ITSN1: variants seen among roughly 807,000 people sequenced by gnomAD.
ITSN1 encodes intersectin 1.
In ITSN1, 58 loss-of-function variants were observed where a neutral mutation model predicts 239.8. The ratio of observed to expected loss-of-function variants is 0.24; its 90% CI spans 0.20 to 0.30. The LOEUF is 0.30. ITSN1 is among the 10% of genes least tolerant of loss of function. The pLI is 1.00. For missense variants in ITSN1, 1,558 were observed against 2,103.3 expected, an observed-to-expected ratio of 0.74 and a Z score of 5.07; for synonymous variants, 780 against 770.8, an observed-to-expected ratio of 1.01 and a Z score of -0.20.
chr21:33,801,568 TC>T (rs1442193778), intron 19 of ITSN1, among the ~76,000 whole-genome samples: 2 of 152,142 alleles, frequency 1.3e-5, no homozygotes, highest in Non-Finnish European at 2.9e-5. Context: ...GCTCAAGTGA[TC>T]CTCCTGCCTC....
rs537084888 is a variant in ITSN1, at chr21:33,783,931, T to C, written c.1824+1798T>C. On this transcript the variant is annotated intron_variant, in intron 16 of 39. Transcript: ENST00000381318. ...CTAGAAGATTAAATAATTTTGGTGA[T>C]TGAATTTCTGTTGCCATTACTAAAG... Among the ~76,000 whole-genome samples, 7 of 152,282 alleles carry C rather than the reference T, an allele frequency of 4.6e-5. No individual in the cohort carries two copies. In the East Asian group the frequency reaches 1.4e-3, roughly 29 times the overall value.
intron 33 of ITSN1, among the ~76,000 whole-genome samples, chr21:33,874,375 C>A (rs955739946): frequency 6.6e-6 from 1 of 152,118 alleles, no homozygotes; most frequent in African/African-American, 2.4e-5. Context: ...GCCACCCTTG[C>A]TGCAGCCACC....
At chr21:33,858,211 G>C (rs1234963911) in intron 30 of ITSN1, among the ~76,000 whole-genome samples, 1 of 152,198 alleles carries the variant, frequency 6.6e-6, no homozygotes, top group Non-Finnish European at 1.5e-5. Flanking sequence ...GTCAGTCACC[G>C]AGGTGGCCAC....
intron 1 of ITSN1, among the ~76,000 whole-genome samples, chr21:33,676,871 A>G (rs1380220339): frequency 6.6e-6 from 1 of 152,112 alleles, no homozygotes; most frequent in Non-Finnish European, 1.5e-5. Context: ...CTATGGCTGC[A>G]TAGTATTTCA....
chr21:33,659,153 C>T (rs2089340658), intron 1 of ITSN1, among the ~76,000 whole-genome samples: 1 of 152,174 alleles, frequency 6.6e-6, no homozygotes, highest in African/African-American at 2.4e-5. Context: ...AATGAAATTG[C>T]AAACGAAAGC....
intron 1 of ITSN1, among the ~76,000 whole-genome samples, chr21:33,663,320 G>A (rs2089697784): frequency 6.6e-6 from 1 of 152,180 alleles, no homozygotes; most frequent in African/African-American, 2.4e-5. Flanking sequence ...CTATTTTTTA[G>A]ATTTAGCTTA....
At chr21:33,738,047 G>T (rs955062331) in intron 5 of ITSN1, among the ~76,000 whole-genome samples, 5 of 152,014 alleles carry the variant, frequency 3.3e-5, no homozygotes, top group African/African-American at 1.2e-4. Context: ...GCTGGGTATG[G>T]TGGTGTGTGC....
rs1986972953 is a variant in ITSN1, at chr21:33,899,434, C to G, written c.*11134C>G. On this transcript the variant is annotated 3_prime_UTR_variant, in exon 40 of 40. Coordinates refer to ENST00000381318, the MANE Select transcript of ITSN1 (RefSeq NM_003024.3). ...ATACTTCTGTTGCCAAATAATGGTA[C>G]TGTTTAATTTTCCATAAAAGAGAGA... The G allele has an allele frequency of 1.3e-5, 2 of 152,120 alleles. No homozygotes were observed. Among genetic ancestry groups the G allele is most frequent in the Non-Finnish European group, 2.9e-5 (2 of 68,028 alleles). The allele number at this position is 152,120 out of a possible 1,614,324, so 9.4% of individuals were successfully genotyped here.
intron 4 of ITSN1, among the ~76,000 whole-genome samples, chr21:33,728,747 C>T (rs189348258): frequency 6.6e-6 from 1 of 152,166 alleles, no homozygotes; most frequent in Admixed American, 6.6e-5. Flanking sequence ...CTTGGTAGCA[C>T]TTATCACCAT....
At position 33,775,872 on chromosome 21, in the gene ITSN1, C is replaced by T. The variant is rs565112678; in HGVS notation, c.1596+764C>T. Among the ~76,000 whole-genome samples the T allele has an allele frequency of 2.6e-5, 4 of 152,280 alleles. No homozygotes were observed. In the South Asian group the frequency reaches 8.3e-4, roughly 32 times the overall value. ...TAGTAGTTCTGTCTTCATTTTAAAG[C>T]CTATCCAAAGTTGTTATAATATCAC... On this transcript the variant is annotated intron_variant, in intron 14 of 39. Coordinates refer to ENST00000381318, the MANE Select transcript of ITSN1 (RefSeq NM_003024.3).
chr21:33,722,383 G>T (rs2147104333), intron 3 of ITSN1, among the ~76,000 whole-genome samples: 1 of 152,310 alleles, frequency 6.6e-6, no homozygotes, highest in East Asian at 1.9e-4. Flanking sequence ...CCCTTTTTGA[G>T]ATGATTTTTT....
At chr21:33,835,827 A>G (rs1055205156) in intron 28 of ITSN1, among the ~76,000 whole-genome samples, 4 of 152,160 alleles carry the variant, frequency 2.6e-5, no homozygotes, top group African/African-American at 9.7e-5. Flanking sequence ...GCTACTCAAG[A>G]GGCTGAGGTA....
chr21:33,755,923 A>G (rs1347916792), intron 8 of ITSN1, among the ~76,000 whole-genome samples: 1 of 152,208 alleles, frequency 6.6e-6, no homozygotes, highest in African/African-American at 2.4e-5. Context: ...AAGAAGAATG[A>G]TTCTGTTATC....
chr21:33,719,069 A>G (rs1035886357), intron 2 of ITSN1, among the ~76,000 whole-genome samples: 1 of 152,200 alleles, frequency 6.6e-6, no homozygotes, highest in Admixed American at 6.5e-5. Flanking sequence ...TCATCTATAA[A>G]TATTTTAGTA....
At chr21:33,758,998 T>C (rs748046394) in intron 8 of ITSN1, among the ~76,000 whole-genome samples, 1 of 152,240 alleles carries the variant, frequency 6.6e-6, no homozygotes, top group Non-Finnish European at 1.5e-5. Flanking sequence ...TTTGCAACAT[T>C]GATTTAGGAC....
intron 17 of ITSN1, 47 bp downstream of exon 17, chr21:33,794,515 A>T (rs1197289355): frequency 6.4e-7 from 1 of 1,570,204 alleles, no homozygotes; most frequent in East Asian, 2.3e-5. Flanking sequence ...AACTTTGAGG[A>T]TTTACTATTC....
chr21:33,864,894 GA>G (rs2148500511), intron 31 of ITSN1, among the ~76,000 whole-genome samples: 1 of 151,996 alleles, frequency 6.6e-6, no homozygotes, highest in African/African-American at 2.4e-5. Flanking sequence ...AGTTGTTCAA[GA>G]AAAAAACTCC....
chr21:33,734,171 CTT>C (rs1252180637), intron 4 of ITSN1, among the ~76,000 whole-genome samples: 1 of 152,020 alleles, frequency 6.6e-6, no homozygotes, highest in Non-Finnish European at 1.5e-5. Context: ...CTGAATAAAA[CTT>C]TTTTATGCAG....
chr21:33,649,002 C>T (rs761367524), intron 1 of ITSN1, among the ~76,000 whole-genome samples: 1 of 152,168 alleles, frequency 6.6e-6, no homozygotes, highest in Non-Finnish European at 1.5e-5. Flanking sequence ...TCCTAAAGTA[C>T]CCCTGCATGA....
Sources: gnomAD v4.1 joint callset for allele counts (sites outside exome capture counted in the v4.1 genomes callset) on GRCh38, gnomAD v4.1.1 for gene constraint, MANE v1.5 for transcripts, NCBI Gene and HGNC (gene_info 2026-07-23, HGNC 2026-07-21) for gene names.